The following ELAVL3 variants were observed in gnomAD, a reference collection of about 807,000 sequenced individuals.
The protein encoded by ELAVL3 is ELAV-like protein 3.
A neutral mutation model predicts 34.2 loss-of-function variants in ELAVL3; 8 were observed. The ratio of observed to expected loss-of-function variants is 0.23; its 90% CI spans 0.14 to 0.42. The LOEUF (loss-of-function observed/expected upper bound fraction) is 0.42, where lower values mean the gene tolerates loss of function less well. Ranked by LOEUF, ELAVL3 falls within the 10% of genes least tolerant of loss-of-function variation. The pLI is 1.00. For synonymous variants in ELAVL3, 209 were observed against 222.1 expected (o/e 0.94, Z 0.53); for missense variants, 273 against 518.8 (o/e 0.53, Z 4.60).
At chr19:11,460,937 A>C (rs1416793420) in intron 3 of ELAVL3, among the ~76,000 whole-genome samples, 3 of 150,940 alleles carry the variant, frequency 2.0e-5, no homozygotes, top group African/African-American at 7.3e-5. Context: ...GGATCAAGGG[A>C]GCCCAGGAGT....
chr19:11,463,325 G>A (rs1211950981), intron 3 of ELAVL3, among the ~76,000 whole-genome samples: 3 of 152,134 alleles, frequency 2.0e-5, no homozygotes, highest in Non-Finnish European at 2.9e-5. Flanking sequence ...GCGCAACACC[G>A]TCACACAGGC....
chr19:11,463,441 CAACGTTCAGGAGGG>C (rs1970933460), intron 3 of ELAVL3, among the ~76,000 whole-genome samples: 1 of 152,166 alleles, frequency 6.6e-6, no homozygotes, highest in African/African-American at 2.4e-5. Context: ...ACATTCTCAG[CAACGTTCAGGAGGG>C]AGTCTCAGAG....
intron 1 of ELAVL3, among the ~76,000 whole-genome samples, chr19:11,469,623 C>A (rs917403839): frequency 6.6e-6 from 1 of 152,168 alleles, no homozygotes; most frequent in African/African-American, 2.4e-5. Context: ...ATGGGATAAA[C>A]CAAACTTGGT....
rs1381405232 is a variant in ELAVL3, at chr19:11,481,010, T to G, written c.-402A>C. 2.9e-5 allele frequency: 2 copies of G among 67,834 alleles called. No homozygotes were observed. Among genetic ancestry groups the G allele is most frequent in the Non-Finnish European group, 5.5e-5 (2 of 36,482 alleles). 4.2% of individuals were successfully genotyped at this position (67,834 alleles called of 1,614,324 possible). A position where few individuals can be genotyped will look rare whatever the true frequency, so the allele number is the denominator to read the frequency against. On this transcript the variant is annotated 5_prime_UTR_variant, in exon 1 of 7. Coordinates refer to ENST00000359227, the MANE Select transcript of ELAVL3 (RefSeq NM_001420.4). The surrounding 1 kb of genome is among the most constrained non-coding windows in gnomAD (Gnocchi z 6.3). ...GTCCTCTCCCCTCGCCCACCCTCCC[T>G]CCCTCCCTCCGGCCCGCGCTGCGCG...
chr19:11,457,080 G>C (rs746668852), intron 6 of ELAVL3, 30 bp downstream of exon 6: 9 of 1,489,300 alleles, frequency 6.0e-6, no homozygotes, highest in Non-Finnish European at 8.0e-6. Context: ...ATGGTGAGGG[G>C]TGGGGACAGT....
Position 11,480,864 on chromosome 19 carries a change from T to C in ELAVL3, c.-256A>G, listed in dbSNP as rs900804446. 1.4e-5 allele frequency: 5 copies of C among 365,044 alleles called. No individual in the cohort carries two copies. The highest frequency in any genetic ancestry group is 4.7e-5 in the Admixed American group (1 of 21,480). 22.6% of individuals were successfully genotyped at this position (365,044 alleles called of 1,614,324 possible). ...TGGAAAGAGGGAGCGGGCGCGGGGT[T>C]GAGGACGCCCCCTGCGCGGCCCCGC... On this transcript the variant is annotated 5_prime_UTR_variant, in exon 1 of 7. Coordinates refer to ENST00000359227, the MANE Select transcript of ELAVL3 (RefSeq NM_001420.4). This position sits in a 1 kb window ranked among gnomAD's most constrained non-coding sequence, Gnocchi z 6.8.
At chr19:11,477,403 G>A (rs1971281768) in intron 1 of ELAVL3, among the ~76,000 whole-genome samples, 1 of 152,096 alleles carries the variant, frequency 6.6e-6, no homozygotes. Context: ...AACCTCCCAA[G>A]TAGCTGGGAC....
At chr19:11,479,489 CCAGA>C (rs1971328148) in intron 1 of ELAVL3, among the ~76,000 whole-genome samples, 1 of 152,084 alleles carries the variant, frequency 6.6e-6, no homozygotes, top group Non-Finnish European at 1.5e-5. Context: ...GGCGCCGGGA[CCAGA>C]CAAAGGACGC....
chr19:11,459,324 C>T (rs575419581), intron 3 of ELAVL3, among the ~76,000 whole-genome samples: 15 of 151,748 alleles, frequency 9.9e-5, no homozygotes, highest in South Asian at 2.1e-4. Context: ...TTAGTAGAGA[C>T]GGGTTTCACC....
chr19:11,456,171 T>C (rs1970765016), intron 6 of ELAVL3, among the ~76,000 whole-genome samples: 1 of 151,932 alleles, frequency 6.6e-6, no homozygotes, highest in African/African-American at 2.4e-5. Flanking sequence ...AGTGGCACGA[T>C]CTCAGCTCAC....
At chr19:11,461,828 T>C (rs948709446) in intron 3 of ELAVL3, among the ~76,000 whole-genome samples, 4 of 152,172 alleles carry the variant, frequency 2.6e-5, no homozygotes, top group African/African-American at 4.8e-5. Context: ...CTGGCTTTTG[T>C]TTGGGACAGT....
chr19:11,454,926 G>T lies in ELAVL3; in HGVS notation c.753-49C>A. On this transcript the variant is annotated intron_variant, in intron 6 of 6. Coordinates refer to ENST00000359227, the MANE Select transcript of ELAVL3 (RefSeq NM_001420.4). This position sits in a 1 kb window ranked among gnomAD's most constrained non-coding sequence, Gnocchi z 9.2. ...CTGCCCTGACCCCCCGCATGCTTCT[G>T]ACCCCGTTGTGACCCTTCACACCTT... is the stretch of plus-strand genomic sequence containing the variant. The T allele has an allele frequency of 6.5e-7, 1 of 1,543,098 alleles. No individual in the cohort carries two copies. The highest frequency in any genetic ancestry group is 1.2e-5 in the South Asian group (1 of 82,474).
At chr19:11,465,308 CA>C (rs1568383045) in intron 3 of ELAVL3, among the ~76,000 whole-genome samples, 1 of 146,502 alleles carries the variant, frequency 6.8e-6, no homozygotes, top group African/African-American at 2.5e-5. Flanking sequence ...ACACACACAC[CA>C]CACACATACA....
In ELAVL3 at chr19:11,458,060, C is replaced by T; in HGVS notation, c.713+1G>A. 1 of 1,611,266 alleles carries T rather than the reference C, an allele frequency of 6.2e-7. No homozygotes were observed. ...GGCCATCTGGCTGGCAGGGGGCTCA[C>T]CGGAAACGCTGGGTCTGATGGTGTA... is the stretch of plus-strand genomic sequence containing the variant. On this transcript the variant is annotated splice_donor_variant, in intron 5 of 6. Coordinates refer to ENST00000359227, the MANE Select transcript of ELAVL3 (RefSeq NM_001420.4). LOFTEE classifies it high-confidence loss of function. This position sits in a 1 kb window ranked among gnomAD's most constrained non-coding sequence, Gnocchi z 7.3.
At chr19:11,460,153 C>G (rs1185004008) in intron 3 of ELAVL3, among the ~76,000 whole-genome samples, 1 of 152,122 alleles carries the variant, frequency 6.6e-6, no homozygotes, top group African/African-American at 2.4e-5. Flanking sequence ...GCTCATGTCC[C>G]CAGGTTCAGG....
intron 1 of ELAVL3, among the ~76,000 whole-genome samples, chr19:11,473,094 G>A (rs1163462340): frequency 4.6e-5 from 7 of 150,672 alleles, no homozygotes; most frequent in East Asian, 4.0e-4. Flanking sequence ...GGCAGGGCGC[G>A]GTGGCTCACA....
intron 1 of ELAVL3, among the ~76,000 whole-genome samples, chr19:11,469,117 G>C (rs1483860924): frequency 6.6e-6 from 1 of 152,002 alleles, no homozygotes; most frequent in Non-Finnish European, 1.5e-5. Flanking sequence ...TAGTAGAGAC[G>C]GGGTTTTGGC....
At chr19:11,465,188 T>A (rs377592958) in intron 3 of ELAVL3, among the ~76,000 whole-genome samples, 6 of 62,286 alleles carry the variant, frequency 9.6e-5, no homozygotes, top group South Asian at 1.0e-3. Flanking sequence ...ATACACGTAA[T>A]ACACCTACAC....
rs935632212 is a variant in ELAVL3, at chr19:11,458,682, G to A, written c.334-71C>T. On this transcript the variant is annotated intron_variant, in intron 3 of 6. Coordinates refer to ENST00000359227, the MANE Select transcript of ELAVL3 (RefSeq NM_001420.4). This position sits in a 1 kb window ranked among gnomAD's most constrained non-coding sequence, Gnocchi z 7.3. ...TCACAGATGGAGAGAGTGAGGCCATGTCTAAACCATCACGGAGTTAGCAGA... is the reference window on the plus strand; with the variant it reads ...TCACAGATGGAGAGAGTGAGGCCATATCTAAACCATCACGGAGTTAGCAGA... 104 of 1,572,648 alleles carry A rather than the reference G, an allele frequency of 6.6e-5. 1 individual carries two copies. The highest frequency in any genetic ancestry group is 8.6e-5 in the Non-Finnish European group (99 of 1,155,476).
Sources: allele counts gnomAD v4.1 joint callset (sites outside exome capture counted in the v4.1 genomes callset), GRCh38; gene constraint gnomAD v4.1.1; non-coding constraint Gnocchi (gnomAD v3.1); transcripts MANE v1.5; gene names NCBI Gene and HGNC (gene_info 2026-07-23, HGNC 2026-07-21).